Variants in DACH1 observed in about 807,000 individuals in gnomAD.
DACH1 encodes dachshund homolog 1.
A neutral mutation model predicts 54.2 loss-of-function variants in DACH1; 12 were observed. That is an observed-to-expected ratio of 0.22 (90% CI 0.14 to 0.36). The LOEUF is 0.36. Among genes scored for constraint, DACH1 ranks in the 10% least tolerant of loss-of-function variants. The probability of loss-of-function intolerance (pLI) is 1.00; values close to 1 mark genes in which losing one functional copy is unlikely to be tolerated. For synonymous variants in DACH1, 386 were observed against 366.2 expected (o/e 1.05, Z -0.62); for missense variants, 805 against 929.8 (o/e 0.87, Z 1.75).
intron 1 of DACH1, among the ~76,000 whole-genome samples, chr13:71,807,912 T>C (rs1028806463): frequency 1.7e-5 from 2 of 118,024 alleles, no homozygotes; most frequent in East Asian, 4.0e-4. Context: ...CCTCTACGAT[T>C]ACAGTTGTCT....
At chr13:71,440,787 T>TTTTA in intron 10 of DACH1, 95 bp from the exon 11 acceptor site, 1 of 969,330 alleles carries the variant, frequency 1.0e-6, no homozygotes. Context: ...AATTTGTAGT[T>TTTTA]TTTATTAGAT....
Position 71,439,791 on chromosome 13 carries a change from A to G in DACH1, c.*864T>C, listed in dbSNP as rs1873844604. ...TTTTCTAAAATTTTCATTTTCCTAAACTCTAGTATACTACTGCATACATAA... is the reference window on the plus strand; with the variant it reads ...TTTTCTAAAATTTTCATTTTCCTAAGCTCTAGTATACTACTGCATACATAA... On this transcript the variant is annotated 3_prime_UTR_variant, in exon 11 of 11. Coordinates refer to ENST00000613252, the MANE Select transcript of DACH1 (RefSeq NM_080759.6). The G allele has an allele frequency of 1.3e-5, 2 of 152,292 alleles. No homozygotes were observed. The highest frequency in any genetic ancestry group is 4.2e-4 in the South Asian group (2 of 4,810). The allele number at this position is 152,292 out of a possible 1,614,324, so 9.4% of individuals were successfully genotyped here. A position where few individuals can be genotyped will look rare whatever the true frequency, so the allele number is the denominator to read the frequency against.
At chr13:71,485,553 T>G in intron 7 of DACH1, among the ~76,000 whole-genome samples, 1 of 148,368 alleles carries the variant, frequency 6.7e-6, no homozygotes, top group East Asian at 2.0e-4. Context: ...TTTACTTCAT[T>G]CATTATAACT....
chr13:71,709,801 T>C (rs1882624591), intron 1 of DACH1, among the ~76,000 whole-genome samples: 1 of 152,194 alleles, frequency 6.6e-6, no homozygotes, highest in African/African-American at 2.4e-5. Context: ...ATGTACACCC[T>C]GCAGATAAGG....
chr13:71,766,304 T>A (rs954058101), intron 1 of DACH1, among the ~76,000 whole-genome samples: 10 of 152,228 alleles, frequency 6.6e-5, no homozygotes, highest in Non-Finnish European at 1.0e-4. Flanking sequence ...TTAGAATCTA[T>A]AATCACTTGT....
chr13:71,458,779 T>A (rs900000084), intron 10 of DACH1, among the ~76,000 whole-genome samples: 2 of 151,850 alleles, frequency 1.3e-5, no homozygotes, highest in Non-Finnish European at 2.9e-5. Flanking sequence ...TTTCACACCT[T>A]TATATAAATA....
intron 1 of DACH1, among the ~76,000 whole-genome samples, chr13:71,811,025 T>G (rs954797410): frequency 1.3e-5 from 2 of 152,100 alleles, no homozygotes; most frequent in African/African-American, 4.8e-5. Context: ...TGTGAATATT[T>G]TATAAATATT....
intron 1 of DACH1, among the ~76,000 whole-genome samples, chr13:71,691,678 A>C (rs1276354470): frequency 9.2e-5 from 14 of 152,208 alleles, no homozygotes. Flanking sequence ...GTGTAATACT[A>C]CCACTGTAGC....
intron 1 of DACH1, among the ~76,000 whole-genome samples, chr13:71,683,104 T>C (rs17088392): frequency 0.081 from 12,294 of 152,170 alleles, 1,386 homozygotes; most frequent in African/African-American, 0.26. Flanking sequence ...TTTGTGGTCA[T>C]TGAGCAAATA....
At chr13:71,737,873 G>A (rs1442179587) in intron 1 of DACH1, among the ~76,000 whole-genome samples, 1 of 152,138 alleles carries the variant, frequency 6.6e-6, no homozygotes, top group Non-Finnish European at 1.5e-5. Flanking sequence ...TATTAAAAAT[G>A]ACTAAAAATA....
intron 6 of DACH1, among the ~76,000 whole-genome samples, chr13:71,527,810 A>C (rs763994920): frequency 2.0e-5 from 3 of 152,076 alleles, no homozygotes; most frequent in Non-Finnish European, 4.4e-5. Context: ...GCTTTTACTT[A>C]TTTTTCTGGA....
intron 1 of DACH1, among the ~76,000 whole-genome samples, chr13:71,741,555 A>G (rs960628764): frequency 6.6e-6 from 1 of 152,164 alleles, no homozygotes; most frequent in Non-Finnish European, 1.5e-5. Context: ...AGACAATAAT[A>G]CATTCCCTCA....
intron 1 of DACH1, among the ~76,000 whole-genome samples, chr13:71,737,222 C>CA (rs976493016): frequency 3.3e-5 from 5 of 149,630 alleles, no homozygotes; most frequent in East Asian, 3.9e-4. Context: ...GACTCCGTCT[C>CA]AAAAAAAAGA....
chr13:71,458,516 T>A (rs1267450123), intron 10 of DACH1, among the ~76,000 whole-genome samples: 1 of 151,792 alleles, frequency 6.6e-6, no homozygotes, highest in Non-Finnish European at 1.5e-5. Context: ...AGGGAAAAAA[T>A]ATCAAAATTT....
At chr13:71,625,944 C>A (rs547694931) in intron 3 of DACH1, among the ~76,000 whole-genome samples, 1 of 152,072 alleles carries the variant, frequency 6.6e-6, no homozygotes, top group African/African-American at 2.4e-5. Context: ...AGCAAGCAAT[C>A]TACTATTGTT....
At chr13:71,477,139 G>T (rs1446877844) in intron 8 of DACH1, among the ~76,000 whole-genome samples, 3 of 101,812 alleles carry the variant, frequency 2.9e-5, no homozygotes, top group African/African-American at 1.2e-4. Context: ...TTTTTGAGAC[G>T]GAGTCTCGCT....
At chr13:71,764,895 T>C (rs1476854115) in intron 1 of DACH1, among the ~76,000 whole-genome samples, 1 of 152,220 alleles carries the variant, frequency 6.6e-6, no homozygotes, top group Non-Finnish European at 1.5e-5. Flanking sequence ...ATGTAATTTA[T>C]TGTCTTTTTA....
rs768954585 is a variant in DACH1, at chr13:71,573,094, A to G, written c.1127-82T>C. The G allele has an allele frequency of 1.0e-4, 140 of 1,359,344 alleles. 1 individual carries two copies. Among genetic ancestry groups the G allele is most frequent in the Middle Eastern group, 4.5e-4 (2 of 4,494 alleles). The allele number at this position is 1,359,344 out of a possible 1,614,324, so 84.2% of individuals were successfully genotyped here. Reference sequence around the variant, plus strand: ...TGAAACAGTCAAAAGTTTTCTAATAATGGTAGTCAAAGAAACAATATTTTT... The same window carrying G: ...TGAAACAGTCAAAAGTTTTCTAATAGTGGTAGTCAAAGAAACAATATTTTT... On this transcript the variant is annotated intron_variant, in intron 3 of 10. Transcript: ENST00000613252.
At chr13:71,562,756 C>T (rs1169912119) in intron 4 of DACH1, among the ~76,000 whole-genome samples, 5 of 152,084 alleles carry the variant, frequency 3.3e-5, no homozygotes, top group Non-Finnish European at 7.4e-5. Flanking sequence ...AACTTACTTC[C>T]TGTCTTCTAA....
Sources: gnomAD v4.1 joint callset for allele counts (sites outside exome capture counted in the v4.1 genomes callset) on GRCh38, gnomAD v4.1.1 for gene constraint, MANE v1.5 for transcripts, NCBI Gene and HGNC (gene_info 2026-07-23, HGNC 2026-07-21) for gene names.